The following DYTN variants were observed in gnomAD, a reference collection of about 807,000 sequenced individuals.
DYTN encodes dystrotelin.
DYTN carries 75 observed loss-of-function variants against 69.6 expected under a neutral mutation model. The observed-to-expected ratio is 1.08, with a 90% CI of 0.89 to 1.31. The LOEUF (loss-of-function observed/expected upper bound fraction) is 1.31. Ranked by LOEUF, DYTN falls within the 50% of genes most tolerant of loss-of-function variation. DYTN has a pLI of 0.00. For synonymous variants in DYTN, 252 were observed against 249.1 expected (o/e 1.01, Z -0.11); for missense variants, 726 against 688.4 (o/e 1.05, Z -0.61).
intron 9 of DYTN, among the ~76,000 whole-genome samples, chr2:206,671,381 T>G (rs1699628221): frequency 6.6e-6 from 1 of 152,230 alleles, no homozygotes; most frequent in Non-Finnish European, 1.5e-5. Flanking sequence ...AGTCGCATTC[T>G]CTGGTTGCTG....
intron 11 of DYTN, among the ~76,000 whole-genome samples, chr2:206,652,834 A>G (rs942827100): frequency 6.6e-6 from 1 of 152,224 alleles, no homozygotes; most frequent in African/African-American, 2.4e-5. Flanking sequence ...TCTGAAAAAC[A>G]GGTGGGAGAG....
chr2:206,710,425 T>A, intron 2 of DYTN, 99 bp downstream of exon 2: 1 of 1,117,582 alleles, frequency 8.9e-7, no homozygotes, highest in Non-Finnish European at 1.3e-6. Context: ...CAGAATCCAG[T>A]AGTCAGCTGC....
chr2:206,710,010 C>T (rs1700064976), intron 2 of DYTN, among the ~76,000 whole-genome samples: 1 of 152,138 alleles, frequency 6.6e-6, no homozygotes, highest in Non-Finnish European at 1.5e-5. Context: ...GGGCAGTTCT[C>T]AGGGAATTCT....
At chr2:206,660,324 A>C (rs1328040774) in intron 11 of DYTN, among the ~76,000 whole-genome samples, 1 of 152,144 alleles carries the variant, frequency 6.6e-6, no homozygotes, top group African/African-American at 2.4e-5. Flanking sequence ...TGAATCTTTT[A>C]GCTTTAAGTA....
At chr2:206,700,725 G>A (rs1039367957) in intron 5 of DYTN, among the ~76,000 whole-genome samples, 2 of 151,724 alleles carry the variant, frequency 1.3e-5, no homozygotes, top group Admixed American at 6.6e-5. Flanking sequence ...TAAGCCCTGC[G>A]TGCATTAGGT....
intron 9 of DYTN, among the ~76,000 whole-genome samples, chr2:206,668,371 C>G (rs1468121189): frequency 6.6e-6 from 1 of 152,168 alleles, no homozygotes; most frequent in African/African-American, 2.4e-5. Context: ...TTTTCTTCTT[C>G]TGCTTCTTTT....
chr2:206,710,567 A>G lies in DYTN; in HGVS notation c.51T>C (p.Tyr17=). Residue 17 remains tyrosine, a synonymous_variant, in exon 2 of 12, where the codon TAT becomes TAC. Transcript: ENST00000452335. Reference sequence around the variant, plus strand: ...CTGATTGTAATTTGAAGGCTGTTCTATAAATGGAATTCTCAATACTATTAA... The same window carrying G: ...CTGATTGTAATTTGAAGGCTGTTCTGTAAATGGAATTCTCAATACTATTAA... ...DALNSIENSI[Y]RTAFKLQSVQ... is the part of the protein sequence containing the mutation. 1.1e-5 allele frequency: 17 copies of G among 1,611,876 alleles called. No individual in the cohort carries two copies. The highest frequency in any genetic ancestry group is 1.4e-5 in the Non-Finnish European group (17 of 1,179,000).
chr2:206,706,259 A>G (rs1036654814), intron 3 of DYTN, among the ~76,000 whole-genome samples: 17 of 151,090 alleles, frequency 1.1e-4, no homozygotes, highest in African/African-American at 3.6e-4. Flanking sequence ...AGGAACAAAT[A>G]TTTATGCAAA....
intron 4 of DYTN, among the ~76,000 whole-genome samples, chr2:206,705,500 G>C (rs998643561): frequency 6.6e-6 from 1 of 152,142 alleles, no homozygotes; most frequent in African/African-American, 2.4e-5. Context: ...TCATGAGGTT[G>C]GTAAACAGAA....
intron 9 of DYTN, among the ~76,000 whole-genome samples, chr2:206,680,940 G>C (rs966207600): frequency 3.9e-5 from 6 of 152,112 alleles, no homozygotes; most frequent in Non-Finnish European, 5.9e-5. Flanking sequence ...GTAGTTTGAT[G>C]GAAATAGCTT....
At chr2:206,697,287 G>A (rs1376284774) in intron 7 of DYTN, among the ~76,000 whole-genome samples, 1 of 152,124 alleles carries the variant, frequency 6.6e-6, no homozygotes, top group Admixed American at 6.6e-5. Flanking sequence ...TAGAACCCAG[G>A]TTTTCTCCCA....
In DYTN at chr2:206,704,829, T is replaced by C. The variant is rs1391357912; in HGVS notation, c.483+14A>G. 6.2e-7 allele frequency: 1 copy of C among 1,606,784 alleles called. No homozygotes were observed. The highest frequency in any genetic ancestry group is 1.3e-5 in the African/African-American group (1 of 74,888). ...CTGAAACAAATGTACAGTTCTTAAG[T>C]ATTAGGAATTTACCTGCTGTAGATC... On this transcript the variant is annotated intron_variant, in intron 5 of 11. Transcript: ENST00000452335.
At chr2:206,716,180 T>C (rs1700128946) in intron 1 of DYTN, among the ~76,000 whole-genome samples, 1 of 152,176 alleles carries the variant, frequency 6.6e-6, no homozygotes, top group African/African-American at 2.4e-5. Flanking sequence ...GCCTTGATTT[T>C]GATTTAGGAA....
intron 9 of DYTN, among the ~76,000 whole-genome samples, chr2:206,684,780 A>G (rs1466530896): frequency 2.6e-5 from 4 of 151,766 alleles, no homozygotes; most frequent in African/African-American, 9.7e-5. Context: ...TTTTTTTCTT[A>G]GAAAGTATAG....
intron 11 of DYTN, among the ~76,000 whole-genome samples, chr2:206,657,020 C>T (rs1450224364): frequency 1.3e-5 from 2 of 152,070 alleles, no homozygotes; most frequent in Admixed American, 1.3e-4. Context: ...CCTCGGCTTC[C>T]CAAAGTGCTG....
chr2:206,707,844 G>A (rs1217484106), intron 2 of DYTN, among the ~76,000 whole-genome samples: 2 of 152,190 alleles, frequency 1.3e-5, no homozygotes, highest in African/African-American at 4.8e-5. Flanking sequence ...TTATGACACT[G>A]TGGTAAAAAG....
intron 9 of DYTN, among the ~76,000 whole-genome samples, chr2:206,683,995 T>C (rs941382818): frequency 1.1e-4 from 16 of 152,292 alleles, no homozygotes; most frequent in African/African-American, 3.8e-4. Context: ...TTTTAACATA[T>C]GATATAATTC....
rs1005168100 is a variant in DYTN at position 206,714,267 on chromosome 2, C to T, written c.20-3669G>A. Among the ~76,000 whole-genome samples, 30 of 152,142 alleles carry T rather than the reference C, an allele frequency of 2.0e-4. 1 individual carries two copies. The highest frequency in any genetic ancestry group is 2.6e-4 in the Admixed American group (4 of 15,278). Reference sequence around the variant, plus strand: ...TGTCACCCAGGCTGGAGTGCAGTGGCGCAATCTCGGCTCACTGCTCCACCT... The same window carrying T: ...TGTCACCCAGGCTGGAGTGCAGTGGTGCAATCTCGGCTCACTGCTCCACCT... On this transcript the variant is annotated intron_variant, in intron 1 of 11. Transcript: ENST00000452335.
At chr2:206,657,540 C>T (rs773258999) in intron 11 of DYTN, among the ~76,000 whole-genome samples, 24 of 152,082 alleles carry the variant, frequency 1.6e-4, no homozygotes, top group Non-Finnish European at 3.2e-4. Flanking sequence ...TTTTAACTTT[C>T]ATATTAAAAT....
Sources: gnomAD v4.1 joint callset for allele counts (sites outside exome capture counted in the v4.1 genomes callset) on GRCh38, gnomAD v4.1.1 for gene constraint, MANE v1.5 for transcripts, NCBI Gene and HGNC (gene_info 2026-07-23, HGNC 2026-07-21) for gene names.